TMEM178B: variants seen among roughly 807,000 people sequenced by gnomAD.
The protein encoded by TMEM178B is transmembrane protein 178B.
In TMEM178B, 5 loss-of-function variants were observed where a neutral mutation model predicts 31.0. The ratio of observed to expected loss-of-function variants is 0.16; its 90% CI spans 0.08 to 0.34. TMEM178B has a LOEUF of 0.34. Among genes scored for constraint, TMEM178B ranks in the 10% least tolerant of loss-of-function variants. TMEM178B has a pLI of 1.00. For missense variants in TMEM178B, 275 were observed against 400.3 expected (o/e 0.69, Z 2.67); for synonymous variants, 164 against 164.0 (o/e 1.00, Z 0.00).
At chr7:141,247,735 A>C (rs1389833424) in intron 2 of TMEM178B, among the ~76,000 whole-genome samples, 1 of 152,234 alleles carries the variant, frequency 6.6e-6, no homozygotes, top group African/African-American at 2.4e-5. Context: ...ATTGTCAGGT[A>C]ATGTAGGATG....
rs911028560 is a variant in TMEM178B at position 141,160,982 on chromosome 7, T to C, written c.383-51609T>C. Reference sequence around the variant, plus strand: ...AAGTGATTCTTCTGCCTCAGCCTCCTGAGTAGCTGGGATTACAGGCATGCA... The same window carrying C: ...AAGTGATTCTTCTGCCTCAGCCTCCCGAGTAGCTGGGATTACAGGCATGCA... On this transcript the variant is annotated intron_variant, in intron 1 of 3. Coordinates refer to ENST00000565468, the MANE Select transcript of TMEM178B (RefSeq NM_001195278.2). Among the ~76,000 whole-genome samples the C allele has an allele frequency of 5.3e-5, 8 of 152,170 alleles. No individual in the cohort carries two copies. The East Asian group carries it at 5.8e-4, about 11-fold the overall frequency.
chr7:141,222,413 G>A (rs1395108988), intron 2 of TMEM178B, among the ~76,000 whole-genome samples: 1 of 152,120 alleles, frequency 6.6e-6, no homozygotes, highest in African/African-American at 2.4e-5. Context: ...TATGACTCTT[G>A]GAAACTATTT....
At chr7:141,103,486 C>A (rs1365446377) in intron 1 of TMEM178B, among the ~76,000 whole-genome samples, 1 of 152,178 alleles carries the variant, frequency 6.6e-6, no homozygotes, top group Non-Finnish European at 1.5e-5. Flanking sequence ...ACACTATAAT[C>A]TATTGATTTT....
chr7:141,209,201 C>T (rs1032392958), intron 1 of TMEM178B, among the ~76,000 whole-genome samples: 1 of 152,184 alleles, frequency 6.6e-6, no homozygotes, highest in Non-Finnish European at 1.5e-5. Context: ...TCTTCCTTTC[C>T]TCTTTCTTTG....
rs529396864 is a variant in TMEM178B at position 141,165,872 on chromosome 7, G to A, written c.383-46719G>A. On this transcript the variant is annotated intron_variant, in intron 1 of 3. Transcript: ENST00000565468. ...TCACTGTGTCTCTCATAGGGTTTTT[G>A]TGAGATTAAGTGACTTTATGTACAG... Among the ~76,000 whole-genome samples the A allele has an allele frequency of 8.5e-5, 13 of 152,328 alleles. No homozygotes were observed. In the South Asian group the frequency reaches 2.7e-3, roughly 32 times the overall value.
At chr7:141,256,343 G>A (rs1797927417) in intron 2 of TMEM178B, among the ~76,000 whole-genome samples, 1 of 152,178 alleles carries the variant, frequency 6.6e-6, no homozygotes, top group South Asian at 2.1e-4. Flanking sequence ...TGAAGTGAGG[G>A]CAAACCCCAA....
intron 2 of TMEM178B, among the ~76,000 whole-genome samples, chr7:141,280,616 G>A (rs925700577): frequency 6.6e-6 from 1 of 152,196 alleles, no homozygotes; most frequent in African/African-American, 2.4e-5. Context: ...CCAGTCTCAA[G>A]TGTGTCTTTA....
At chr7:141,161,529 C>T (rs941817823) in intron 1 of TMEM178B, among the ~76,000 whole-genome samples, 3 of 152,066 alleles carry the variant, frequency 2.0e-5, no homozygotes, top group Non-Finnish European at 2.9e-5. Flanking sequence ...AGAAGAGTGA[C>T]GAGATCAAAG....
At chr7:141,191,729 T>C (rs1411047140) in intron 1 of TMEM178B, among the ~76,000 whole-genome samples, 1 of 152,256 alleles carries the variant, frequency 6.6e-6, no homozygotes, top group East Asian at 1.9e-4. Context: ...GCTTTTTTAA[T>C]CTTTGCAGCA....
At chr7:141,252,444 T>C (rs542214359) in intron 2 of TMEM178B, among the ~76,000 whole-genome samples, 29 of 152,334 alleles carry the variant, frequency 1.9e-4, no homozygotes, top group Non-Finnish European at 2.5e-4. Flanking sequence ...AATTCTGAAC[T>C]CTTCGATAAC....
chr7:141,132,364 C>A (rs374436276), intron 1 of TMEM178B, among the ~76,000 whole-genome samples: 2 of 152,206 alleles, frequency 1.3e-5, no homozygotes, highest in East Asian at 3.9e-4. Context: ...TCAGTGCTGG[C>A]ACATAATAAA....
intron 3 of TMEM178B, among the ~76,000 whole-genome samples, chr7:141,441,901 A>T (rs1284228169): frequency 1.3e-5 from 2 of 152,064 alleles, no homozygotes; most frequent in African/African-American, 4.8e-5. Context: ...CCCCGAGGAG[A>T]TGATTAATTA....
intron 1 of TMEM178B, among the ~76,000 whole-genome samples, chr7:141,085,780 G>A (rs367989699): frequency 4.0e-4 from 61 of 152,156 alleles, no homozygotes; most frequent in African/African-American, 1.4e-3. Flanking sequence ...ATGCTCAGGC[G>A]ATGCTGCCTG....
chr7:141,177,162 T>C (rs1349382940), intron 1 of TMEM178B, among the ~76,000 whole-genome samples: 2 of 152,212 alleles, frequency 1.3e-5, no homozygotes, highest in Non-Finnish European at 2.9e-5. Flanking sequence ...TTTGTTCTCA[T>C]TGGTTTCAAA....
intron 2 of TMEM178B, among the ~76,000 whole-genome samples, chr7:141,296,337 G>A (rs1210687906): frequency 6.6e-6 from 1 of 152,172 alleles, no homozygotes. Context: ...CAAAGTGCTG[G>A]GATTACAGGT....
intron 1 of TMEM178B, among the ~76,000 whole-genome samples, chr7:141,115,962 A>G (rs530363625): frequency 6.6e-6 from 1 of 152,358 alleles, no homozygotes; most frequent in African/African-American, 2.4e-5. Context: ...TAAAATGACA[A>G]AACCAATAAA....
At chr7:141,402,782 G>A (rs79402503) in intron 2 of TMEM178B, among the ~76,000 whole-genome samples, 3,628 of 152,374 alleles carry the variant, frequency 0.024, 62 homozygotes, top group Non-Finnish European at 0.035. Flanking sequence ...GAGGCCTGGG[G>A]CTGCCTGCGC....
chr7:141,347,038 C>A (rs746904410), intron 2 of TMEM178B, among the ~76,000 whole-genome samples: 2 of 152,156 alleles, frequency 1.3e-5, no homozygotes, highest in Non-Finnish European at 2.9e-5. Flanking sequence ...CTCTCTCCTG[C>A]CATCATGTGA....
intron 2 of TMEM178B, among the ~76,000 whole-genome samples, chr7:141,420,199 C>G (rs982788425): frequency 1.3e-5 from 2 of 152,252 alleles, no homozygotes; most frequent in Admixed American, 6.5e-5. Context: ...ACTGCCCCCC[C>G]CCACTACATA....
Sources: allele counts gnomAD v4.1 joint callset (sites outside exome capture counted in the v4.1 genomes callset), GRCh38; gene constraint gnomAD v4.1.1; transcripts MANE v1.5; gene names NCBI Gene and HGNC (gene_info 2026-07-23, HGNC 2026-07-21).